The following RALGPS2 variants were observed in gnomAD, a reference collection of about 807,000 sequenced individuals.
RALGPS2 encodes ras-specific guanine nucleotide-releasing factor RalGPS2.
Under a neutral mutation model 86.8 loss-of-function variants are expected in RALGPS2, and 43 were observed. That is an observed-to-expected ratio of 0.50 (90% confidence interval 0.39 to 0.64). RALGPS2 has a LOEUF of 0.64. Ranked by LOEUF, RALGPS2 falls within the 30% of genes least tolerant of loss-of-function variation. The pLI, the probability that RALGPS2 is intolerant of heterozygous loss-of-function variation, is 0.00. For missense variants in RALGPS2, 536 were observed against 694.6 expected, an observed-to-expected ratio of 0.77 and a Z score of 2.57; for synonymous variants, 243 against 231.3, an observed-to-expected ratio of 1.05 and a Z score of -0.46.
At chr1:178,856,777 T>A (rs1236912851) in intron 8 of RALGPS2, among the ~76,000 whole-genome samples, 1 of 152,150 alleles carries the variant, frequency 6.6e-6, no homozygotes, top group Non-Finnish European at 1.5e-5. Context: ...ATAAATTTAA[T>A]ATAGCTCATC....
chr1:178,877,310 C>A (rs1374463933), intron 8 of RALGPS2, among the ~76,000 whole-genome samples, 188 bp from the exon 9 acceptor site: 1 of 152,024 alleles, frequency 6.6e-6, no homozygotes, highest in Non-Finnish European at 1.5e-5. Flanking sequence ...ATATGTCTGA[C>A]CCCAACTGTA....
chr1:178,754,666 C>T (rs1214313893), intron 1 of RALGPS2, among the ~76,000 whole-genome samples: 1 of 152,206 alleles, frequency 6.6e-6, no homozygotes, highest in African/African-American at 2.4e-5. Context: ...CAGAAATACC[C>T]TCAAAGACAC....
intron 2 of RALGPS2, among the ~76,000 whole-genome samples, chr1:178,779,510 T>C (rs1572323871): frequency 6.6e-6 from 1 of 152,210 alleles, no homozygotes; most frequent in Admixed American, 6.5e-5. Flanking sequence ...TTCAATTGTT[T>C]TTGTTATGTA....
chr1:178,757,416 T>C (rs542737372), intron 1 of RALGPS2, among the ~76,000 whole-genome samples: 4 of 152,324 alleles, frequency 2.6e-5, no homozygotes, highest in South Asian at 2.1e-4. Flanking sequence ...TCAGTATGAT[T>C]GGCTGTGGGT....
intron 8 of RALGPS2, among the ~76,000 whole-genome samples, chr1:178,834,535 A>G (rs1433051456): frequency 6.6e-6 from 1 of 152,118 alleles, no homozygotes; most frequent in African/African-American, 2.4e-5. Context: ...ATATTGTGGG[A>G]CACCCTAGGA....
chr1:178,878,798 C>T, intron 9 of RALGPS2, 104 bp from the exon 10 acceptor site: 3 of 1,461,428 alleles, frequency 2.1e-6, no homozygotes, highest in Non-Finnish European at 2.7e-6. Context: ...TTAAATTTTG[C>T]TGCCATGTGG....
intron 8 of RALGPS2, among the ~76,000 whole-genome samples, chr1:178,843,934 A>G (rs1379602857): frequency 3.3e-5 from 5 of 152,184 alleles, no homozygotes; most frequent in Admixed American, 6.5e-5. Context: ...TTTTAATGTA[A>G]TGACTGCTTT....
rs1174220581 is a variant in RALGPS2 at position 178,777,317 on chromosome 1, C to T, written c.57+496C>T. ...ATTGCTTCAAAGAGAATAAAATACA[C>T]AGGAATCCAACTTACAAGGGATGTG... is the stretch of plus-strand genomic sequence containing the variant. On this transcript the variant is annotated intron_variant, in intron 2 of 19. Transcript: ENST00000367635. 2.0e-5 allele frequency among the ~76,000 whole-genome samples: 3 copies of T among 152,130 alleles called. No individual in the cohort carries two copies. The East Asian group carries it at 5.8e-4, about 29-fold the overall frequency.
At chr1:178,769,762 AG>A (rs1445262473) in intron 1 of RALGPS2, among the ~76,000 whole-genome samples, 2 of 152,198 alleles carry the variant, frequency 1.3e-5, no homozygotes, top group African/African-American at 4.8e-5. Context: ...CAAGGCCTGC[AG>A]TGGGGGAAAG....
intron 14 of RALGPS2, among the ~76,000 whole-genome samples, chr1:178,891,796 T>C (rs1659721726): frequency 6.6e-6 from 1 of 152,082 alleles, no homozygotes; most frequent in Non-Finnish European, 1.5e-5. Context: ...ACATTGCTTT[T>C]AGGTGTCTTC....
chr1:178,863,844 G>T (rs772547743), intron 8 of RALGPS2, among the ~76,000 whole-genome samples: 2 of 152,182 alleles, frequency 1.3e-5, no homozygotes, highest in Non-Finnish European at 2.9e-5. Context: ...TAGCGAAGTG[G>T]TATTCACTGA....
At chr1:178,805,724 T>TTA (rs1654709806) in intron 4 of RALGPS2, among the ~76,000 whole-genome samples, 1 of 152,188 alleles carries the variant, frequency 6.6e-6, no homozygotes, top group African/African-American at 2.4e-5. Flanking sequence ...CTGTCTTATA[T>TTA]TCTCTCCCCC....
At chr1:178,884,731 T>C (rs919306862) in intron 11 of RALGPS2, among the ~76,000 whole-genome samples, 4 of 152,172 alleles carry the variant, frequency 2.6e-5, no homozygotes. Flanking sequence ...AGAAGTAATG[T>C]ATAAAATTAA....
chr1:178,790,021 T>C (rs754307841), intron 4 of RALGPS2, among the ~76,000 whole-genome samples: 42 of 152,164 alleles, frequency 2.8e-4, no homozygotes, highest in Admixed American at 1.6e-3. Flanking sequence ...CAATGACGGC[T>C]CACTGCAGCC....
intron 1 of RALGPS2, among the ~76,000 whole-genome samples, chr1:178,750,676 G>A (rs939330832): frequency 2.6e-5 from 4 of 152,070 alleles, no homozygotes; most frequent in Non-Finnish European, 5.9e-5. Flanking sequence ...TTTGATGTTC[G>A]TATTTATAAT....
intron 8 of RALGPS2, chr1:178,865,840 AAG>A (rs1431351868): frequency 3.2e-6 from 4 of 1,237,656 alleles, no homozygotes; most frequent in Non-Finnish European, 4.5e-6. Context: ...AAAAAGCAAA[AAG>A]AATTCATATT....
At chr1:178,756,390 C>T (rs560272007) in intron 1 of RALGPS2, among the ~76,000 whole-genome samples, 2 of 152,230 alleles carry the variant, frequency 1.3e-5, no homozygotes, top group Non-Finnish European at 2.9e-5. Flanking sequence ...AGCCAGCTAT[C>T]CCAGCACTAT....
chr1:178,822,662 A>G (rs988559056), intron 7 of RALGPS2, among the ~76,000 whole-genome samples: 1 of 152,016 alleles, frequency 6.6e-6, no homozygotes, highest in Admixed American at 6.5e-5. Flanking sequence ...TCTCTTTTCT[A>G]TTTTATAGAA....
chr1:178,827,731 A>T (rs558558287), intron 7 of RALGPS2, among the ~76,000 whole-genome samples: 1 of 152,304 alleles, frequency 6.6e-6, no homozygotes, highest in Admixed American at 6.5e-5. Context: ...GTGAAGCTAT[A>T]GTAATCAAAA....
Sources: allele counts gnomAD v4.1 joint callset (sites outside exome capture counted in the v4.1 genomes callset), GRCh38; gene constraint gnomAD v4.1.1; transcripts MANE v1.5; gene names NCBI Gene and HGNC (gene_info 2026-07-23, HGNC 2026-07-21).